The following PRKCA variants were observed in gnomAD, a reference collection of about 807,000 sequenced individuals.
PRKCA encodes the protein protein kinase C alpha.
In PRKCA, 27 loss-of-function variants were observed where a neutral mutation model predicts 87.0. The observed-to-expected ratio is 0.31, with a 90% CI of 0.23 to 0.43. The LOEUF (loss-of-function observed/expected upper bound fraction) is 0.43, where lower values mean the gene tolerates loss of function less well. PRKCA is among the 20% of genes least tolerant of loss of function. PRKCA has a pLI of 1.00. For missense variants in PRKCA, 518 were observed against 852.3 expected (o/e 0.61, Z 4.88); for synonymous variants, 329 against 311.1 (o/e 1.06, Z -0.61).
intron 8 of PRKCA, among the ~76,000 whole-genome samples, chr17:66,722,552 C>T (rs898778338): frequency 6.6e-6 from 1 of 152,194 alleles, no homozygotes; most frequent in African/African-American, 2.4e-5. Context: ...TTACAGAATG[C>T]CACTGCAGGA....
In PRKCA at chr17:66,806,999, C is replaced by G. The variant is rs1475857060; in HGVS notation, c.*2962C>G. ...GCCAAAGACAGTTATTGTTGGAAGACTGTCATGTAGATAACCATGAGCAAT... is the reference window on the plus strand; with the variant it reads ...GCCAAAGACAGTTATTGTTGGAAGAGTGTCATGTAGATAACCATGAGCAAT... On this transcript the variant is annotated 3_prime_UTR_variant, in exon 17 of 17. Transcript: ENST00000413366. 24 of 152,308 alleles carry G rather than the reference C, an allele frequency of 1.6e-4. No individual in the cohort carries two copies. The highest frequency in any genetic ancestry group is 1.6e-3 in the Admixed American group (24 of 15,286). 9.4% of individuals were successfully genotyped at this position (152,308 alleles called of 1,614,324 possible).
At chr17:66,436,750 A>G (rs1052780582) in intron 2 of PRKCA, among the ~76,000 whole-genome samples, 4 of 152,220 alleles carry the variant, frequency 2.6e-5, no homozygotes, top group Non-Finnish European at 5.9e-5. Flanking sequence ...GTGGGAGCAC[A>G]GTGAGAAATT....
At chr17:66,360,912 G>A (rs1318285697) in intron 2 of PRKCA, among the ~76,000 whole-genome samples, 1 of 151,972 alleles carries the variant, frequency 6.6e-6, no homozygotes, top group Non-Finnish European at 1.5e-5. Flanking sequence ...ATTTCTTTTG[G>A]TTGAAGGAAT....
intron 8 of PRKCA, among the ~76,000 whole-genome samples, chr17:66,731,567 G>T (rs997671337): frequency 6.6e-6 from 1 of 151,868 alleles, no homozygotes. Context: ...GGGCTCCTTC[G>T]GTGACAGTGA....
chr17:66,426,896 C>T lies in PRKCA; in HGVS notation c.206-69305C>T, dbSNP rs529701793. Among the ~76,000 whole-genome samples the T allele has an allele frequency of 1.8e-4, 27 of 152,254 alleles. No homozygotes were observed. The East Asian group carries it at 3.1e-3, about 17-fold the overall frequency. On this transcript the variant is annotated intron_variant, in intron 2 of 16. Transcript: ENST00000413366. ...AGCTGGCAGAAGGAAACAGGAACTTCGTAGGTGGTTGAGTGGCTAAATTAA... is the reference window on the plus strand; with the variant it reads ...AGCTGGCAGAAGGAAACAGGAACTTTGTAGGTGGTTGAGTGGCTAAATTAA...
chr17:66,502,423 C>A (rs144793878), intron 3 of PRKCA, among the ~76,000 whole-genome samples: 1 of 151,910 alleles, frequency 6.6e-6, no homozygotes, highest in African/African-American at 2.4e-5. Context: ...TTAGTAGAGA[C>A]GGAGTTTCAC....
At chr17:66,542,129 G>A (rs545470534) in intron 3 of PRKCA, among the ~76,000 whole-genome samples, 6 of 152,256 alleles carry the variant, frequency 3.9e-5, no homozygotes, top group South Asian at 2.1e-4. Context: ...GAGTTTATAC[G>A]GAGTGGACTG....
intron 11 of PRKCA, among the ~76,000 whole-genome samples, chr17:66,739,417 T>C (rs1444873735): frequency 6.6e-6 from 1 of 152,206 alleles, no homozygotes; most frequent in Non-Finnish European, 1.5e-5. Flanking sequence ...TATTCTTATC[T>C]GTTGAACAAA....
At chr17:66,644,430 G>C (rs1031566431) in intron 4 of PRKCA, among the ~76,000 whole-genome samples, 1 of 152,162 alleles carries the variant, frequency 6.6e-6, no homozygotes, top group African/African-American at 2.4e-5. Flanking sequence ...GAAGCCTAAA[G>C]GTACAAGGGT....
chr17:66,688,893 C>A, intron 7 of PRKCA, 58 bp from the exon 8 acceptor site: 1 of 1,094,208 alleles, frequency 9.1e-7, no homozygotes, highest in Non-Finnish European at 1.4e-6. Flanking sequence ...CGACTAGAGG[C>A]TGCAGGAAAG....
intron 3 of PRKCA, among the ~76,000 whole-genome samples, chr17:66,571,435 A>G (rs1234029021): frequency 6.6e-6 from 1 of 152,234 alleles, no homozygotes; most frequent in African/African-American, 2.4e-5. Flanking sequence ...CACATTAGGA[A>G]TAAGTTTGAC....
chr17:66,343,368 A>G (rs1345638994), intron 2 of PRKCA, among the ~76,000 whole-genome samples: 4 of 152,122 alleles, frequency 2.6e-5, no homozygotes, highest in Non-Finnish European at 4.4e-5. Context: ...TTCTGGGGCC[A>G]TATCACTCTT....
chr17:66,491,975 G>A (rs1916264514), intron 2 of PRKCA, among the ~76,000 whole-genome samples: 1 of 151,892 alleles, frequency 6.6e-6, no homozygotes, highest in South Asian at 2.1e-4. Context: ...TGGGGGTGTT[G>A]GGGAGGAGAG....
In PRKCA at chr17:66,593,826, G is replaced by C. The variant is rs368307359; in HGVS notation, c.289-47529G>C. On this transcript the variant is annotated intron_variant, in intron 3 of 16. Coordinates refer to ENST00000413366, the MANE Select transcript of PRKCA (RefSeq NM_002737.3). Reference sequence around the variant, plus strand: ...TGGCTGGGTGTGGGGGCCCACGCCTGTAATCCCAGCACTTTGGGAGGCCGA... The same window carrying C: ...TGGCTGGGTGTGGGGGCCCACGCCTCTAATCCCAGCACTTTGGGAGGCCGA... Among the ~76,000 whole-genome samples, 114 of 152,308 alleles carry C rather than the reference G, an allele frequency of 7.5e-4. 1 individual carries two copies. The highest frequency in any genetic ancestry group is 2.7e-3 in the African/African-American group (112 of 41,570).
At chr17:66,479,671 G>A (rs1384141199) in intron 2 of PRKCA, among the ~76,000 whole-genome samples, 1 of 152,170 alleles carries the variant, frequency 6.6e-6, no homozygotes, top group East Asian at 1.9e-4. Context: ...ATACTATGCA[G>A]CCATAAAAAG....
chr17:66,413,919 C>T (rs1275584717), intron 2 of PRKCA, among the ~76,000 whole-genome samples: 1 of 150,692 alleles, frequency 6.6e-6, no homozygotes, highest in Non-Finnish European at 1.5e-5. Context: ...GAGGCTGAGG[C>T]AGGAGAATCG....
intron 3 of PRKCA, among the ~76,000 whole-genome samples, chr17:66,532,155 TAAA>T (rs11304403): frequency 6.9e-6 from 1 of 144,512 alleles, no homozygotes; most frequent in African/African-American, 2.5e-5. Context: ...CTGGTAAAAT[TAAA>T]AAAAAAAAAA....
intron 2 of PRKCA, among the ~76,000 whole-genome samples, chr17:66,408,779 C>G (rs57461036): frequency 1.1e-4 from 16 of 151,848 alleles, no homozygotes; most frequent in Non-Finnish European, 2.4e-4. Flanking sequence ...GTCGGCCGGG[C>G]GCGGTGGCTT....
intron 2 of PRKCA, among the ~76,000 whole-genome samples, chr17:66,377,854 C>T (rs1190041997): frequency 6.6e-6 from 1 of 150,566 alleles, no homozygotes; most frequent in African/African-American, 2.4e-5. Context: ...CTCCTGGCCT[C>T]AAGTGATCCT....
Sources: allele counts gnomAD v4.1 joint callset (sites outside exome capture counted in the v4.1 genomes callset), GRCh38; gene constraint gnomAD v4.1.1; transcripts MANE v1.5; gene names NCBI Gene and HGNC (gene_info 2026-07-23, HGNC 2026-07-21).